MALL: variants seen among roughly 807,000 people sequenced by gnomAD.
The protein encoded by MALL is MAL-like protein.
Under a neutral mutation model 10.3 loss-of-function variants are expected in MALL, and 2 were observed. That is an observed-to-expected ratio of 0.19 (90% CI 0.08 to 0.61). The LOEUF (loss-of-function observed/expected upper bound fraction) is 0.61, where lower values mean the gene tolerates loss of function less well. Ranked by LOEUF, MALL falls within the 20% of genes least tolerant of loss-of-function variation. MALL has a pLI of 0.88. For synonymous variants in MALL, 27 were observed against 51.8 expected, an observed-to-expected ratio of 0.52 and a Z score of 2.05; for missense variants, 39 against 115.2, an observed-to-expected ratio of 0.34 and a Z score of 3.03.
upstream of MALL, among the ~76,000 whole-genome samples, chr2:110,117,609 G>GTGTC (rs1452500396): frequency 7.5e-6 from 1 of 132,640 alleles, no homozygotes; most frequent in African/African-American, 2.8e-5. Flanking sequence ...GTGTGTGTGT[G>GTGTC]TGTGTGTGTG....
chr2:110,096,176 G>T (rs1371749630), intron 1 of MALL, among the ~76,000 whole-genome samples: 1 of 152,098 alleles, frequency 6.6e-6, no homozygotes, highest in African/African-American at 2.4e-5. Flanking sequence ...CAGGGTCTGG[G>T]GTCCTGCCCC....
chr2:110,103,811 C>T (rs551918558), intron 1 of MALL, among the ~76,000 whole-genome samples: 6 of 152,266 alleles, frequency 3.9e-5, no homozygotes, highest in South Asian at 4.1e-4. Context: ...TGCTCATGGT[C>T]CTGCTGGACG....
chr2:110,113,029 C>T (rs779055642), intron 1 of MALL, among the ~76,000 whole-genome samples: 1 of 151,832 alleles, frequency 6.6e-6, no homozygotes, highest in Non-Finnish European at 1.5e-5. Context: ...AACCAAACAT[C>T]GTATGTTCTC....
chr2:110,100,054 G>C (rs1365574695), intron 1 of MALL, among the ~76,000 whole-genome samples: 1 of 151,914 alleles, frequency 6.6e-6, no homozygotes, highest in Non-Finnish European at 1.5e-5. Context: ...CCAAACTCAG[G>C]ACACCCACCC....
upstream of MALL, chr2:110,116,430 T>C (rs1435132888): frequency 6.6e-6 from 1 of 152,582 alleles, no homozygotes; most frequent in African/African-American, 2.4e-5. Flanking sequence ...GGTGTTTCCT[T>C]CTTTTTCTGG....
intron 1 of MALL, among the ~76,000 whole-genome samples, chr2:110,114,412 A>G (rs962056015): frequency 6.6e-6 from 1 of 151,938 alleles, no homozygotes; most frequent in African/African-American, 2.4e-5. Flanking sequence ...CAATAAAAAG[A>G]GGCAGAGTCA....
At chr2:110,115,905 A>AAC, upstream of MALL, 1 of 439,892 alleles carries the variant, frequency 2.3e-6, no homozygotes, top group East Asian at 3.6e-5. Context: ...AAAAAAAAAA[A>AAC]AACGTTCCAG....
chr2:110,095,507 A>T (rs1346511109), intron 1 of MALL, among the ~76,000 whole-genome samples: 1 of 152,156 alleles, frequency 6.6e-6, no homozygotes, highest in East Asian at 1.9e-4. Flanking sequence ...TTTAAAACCT[A>T]TTCTTCTCTA....
chr2:110,096,433 TGGCCCTTGTGAG>T (rs1018412828), intron 1 of MALL, among the ~76,000 whole-genome samples: 7 of 152,092 alleles, frequency 4.6e-5, no homozygotes, highest in African/African-American at 1.7e-4. Context: ...CTCTATCATC[TGGCCCTTGTGAG>T]GGTTTGGTGA....
At chr2:110,117,334 C>T (rs1017274120), upstream of MALL, among the ~76,000 whole-genome samples, 2 of 152,080 alleles carry the variant, frequency 1.3e-5, no homozygotes, top group Non-Finnish European at 2.9e-5. Context: ...GACAACATGG[C>T]ATAGTAGGAA....
intron 1 of MALL, among the ~76,000 whole-genome samples, chr2:110,100,732 C>T (rs1466010396): frequency 1.3e-5 from 2 of 152,172 alleles, no homozygotes; most frequent in East Asian, 3.9e-4. Context: ...CATGGGTAGG[C>T]CACAGCCCAG....
chr2:110,096,808 G>A (rs1199809495), intron 1 of MALL, among the ~76,000 whole-genome samples: 1 of 151,756 alleles, frequency 6.6e-6, no homozygotes, highest in Non-Finnish European at 1.5e-5. Flanking sequence ...CCCAGTTGAA[G>A]TCCATTGCCA....
At chr2:110,111,435 C>T (rs990466607) in intron 1 of MALL, among the ~76,000 whole-genome samples, 3 of 152,050 alleles carry the variant, frequency 2.0e-5, no homozygotes, top group African/African-American at 7.2e-5. Context: ...AGCGACCAAG[C>T]AGAGAATCAA....
intron 1 of MALL, 94 bp downstream of exon 1, chr2:110,115,594 G>C (rs1224889111): frequency 1.6e-6 from 1 of 621,230 alleles, no homozygotes; most frequent in Non-Finnish European, 2.4e-6. Context: ...TCTCGGTCCG[G>C]TCTGGGTCTC....
intron 1 of MALL, among the ~76,000 whole-genome samples, chr2:110,095,713 T>A (rs1263977114): frequency 6.6e-6 from 1 of 151,584 alleles, no homozygotes. Context: ...AAAAAAGAAC[T>A]AGACTATAAG....
chr2:110,107,198 C>T (rs115240773), intron 1 of MALL, among the ~76,000 whole-genome samples: 2,022 of 152,110 alleles, frequency 0.013, 49 homozygotes, highest in African/African-American at 0.046. Context: ...AAGTGGAGCC[C>T]CCAAGTACCA....
intron 1 of MALL, among the ~76,000 whole-genome samples, chr2:110,092,700 T>TATAATA (rs3976232): frequency 0.046 from 5,894 of 126,898 alleles, 237 homozygotes; most frequent in African/African-American, 0.091. Flanking sequence ...AAACTTAAAG[T>TATAATA]ATAATAATAA....
At chr2:110,117,587 A>ATGTG (rs3840469), upstream of MALL, among the ~76,000 whole-genome samples, 19,032 of 103,020 alleles carry the variant, frequency 0.18, 1,765 homozygotes, top group East Asian at 0.28. Flanking sequence ...GACCAAAGCA[A>ATGTG]TGTGTGTGTG....
At chr2:110,115,933 C>G (rs1477494449), upstream of MALL, 2 of 404,418 alleles carry the variant, frequency 4.9e-6, no homozygotes, top group South Asian at 2.7e-4. Context: ...GGTCCTTCCA[C>G]TCGCTGCAGC....
Sources: allele counts gnomAD v4.1 joint callset (sites outside exome capture counted in the v4.1 genomes callset), GRCh38; gene constraint gnomAD v4.1.1; transcripts MANE v1.5; gene names NCBI Gene and HGNC (gene_info 2026-07-23, HGNC 2026-07-21).